XKR9: variants seen among roughly 807,000 people sequenced by gnomAD.
XKR9 encodes the protein XK related 9.
In XKR9, 32 loss-of-function variants were observed where a neutral mutation model predicts 32.0. The ratio of observed to expected loss-of-function variants is 1.00; its 90% CI spans 0.76 to 1.34. XKR9 has a LOEUF of 1.34. XKR9 is among the 40% of genes most tolerant of loss of function. The pLI, the probability that XKR9 is intolerant of heterozygous loss-of-function variation, is 0.00. For synonymous variants in XKR9, 168 were observed against 143.4 expected (o/e 1.17, Z -1.22); for missense variants, 546 against 429.7 (o/e 1.27, Z -2.39).
intron 2 of XKR9, among the ~76,000 whole-genome samples, chr8:70,776,968 T>TGTAA: frequency 7.0e-6 from 1 of 143,712 alleles, no homozygotes; most frequent in Non-Finnish European, 1.5e-5. Context: ...TATATATGTA[T>TGTAA]GTATTATACT....
At chr8:70,930,349 A>G in the XKR9 span, among the ~76,000 whole-genome samples, 6 of 152,288 alleles carry the variant, frequency 3.9e-5, no homozygotes, top group South Asian at 1.2e-3. Context: ...GCTAGGATGA[A>G]AGAACCTAGT....
the XKR9 span, among the ~76,000 whole-genome samples, chr8:70,935,681 C>A: frequency 6.6e-6 from 1 of 151,964 alleles, no homozygotes. Flanking sequence ...CACATAAAAT[C>A]TAGAATTAAG....
the XKR9 span, among the ~76,000 whole-genome samples, chr8:70,969,811 G>T: frequency 9.2e-5 from 14 of 152,070 alleles, no homozygotes; most frequent in Admixed American, 4.6e-4. Flanking sequence ...ACATGAATAA[G>T]TTCTTTAGTG....
chr8:70,877,931 A>C, the XKR9 span, among the ~76,000 whole-genome samples: 1 of 152,254 alleles, frequency 6.6e-6, no homozygotes, highest in Non-Finnish European at 1.5e-5. Flanking sequence ...TTACTCACAA[A>C]GGGAAGCCCA....
At chr8:70,959,044 CCTT>C in the XKR9 span, among the ~76,000 whole-genome samples, 1 of 151,828 alleles carries the variant, frequency 6.6e-6, no homozygotes, top group South Asian at 2.1e-4. Flanking sequence ...GTCGAATTAT[CCTT>C]CTTTTAAGTA....
the XKR9 span, among the ~76,000 whole-genome samples, chr8:71,006,989 G>A: frequency 2.6e-5 from 4 of 152,152 alleles, no homozygotes; most frequent in African/African-American, 9.7e-5. Context: ...GGCTCTATTC[G>A]TTGGAAGTTT....
At chr8:70,956,499 C>G in the XKR9 span, among the ~76,000 whole-genome samples, 1 of 152,176 alleles carries the variant, frequency 6.6e-6, no homozygotes, top group Non-Finnish European at 1.5e-5. Flanking sequence ...GAACTGGCAG[C>G]CCCGCTCCCA....
intron 2 of XKR9, among the ~76,000 whole-genome samples, chr8:70,775,813 T>C (rs1001077309): frequency 2.0e-5 from 3 of 151,778 alleles, no homozygotes; most frequent in Non-Finnish European, 4.4e-5. Context: ...GGCGCAATCA[T>C]GGCTCACTGC....
chr8:70,789,418 A>G (rs1807733872), exon 3 of XKR9: 1 of 152,054 alleles, frequency 6.6e-6, no homozygotes, highest in South Asian at 2.1e-4. Context: ...TAACTGCACA[A>G]TCATCAATCA....
the XKR9 span, among the ~76,000 whole-genome samples, chr8:71,052,159 T>C: frequency 6.6e-6 from 1 of 152,210 alleles, no homozygotes; most frequent in African/African-American, 2.4e-5. Context: ...TGCCTTTCTA[T>C]CAAAGAAAAC....
At chr8:70,900,618 A>ATAAG in the XKR9 span, among the ~76,000 whole-genome samples, 9,566 of 152,062 alleles carry the variant, frequency 0.063, 421 homozygotes, top group Non-Finnish European at 0.089. Flanking sequence ...AAATAAATAA[A>ATAAG]TAAATAGGAA....
intron 3 of XKR9, among the ~76,000 whole-genome samples, chr8:70,700,517 G>A (rs990202303): frequency 6.6e-6 from 1 of 152,174 alleles, no homozygotes; most frequent in African/African-American, 2.4e-5. Context: ...AACTGCAAAT[G>A]CTGCTGTCTG....
chr8:70,812,282 G>T, the XKR9 span, among the ~76,000 whole-genome samples: 1 of 152,266 alleles, frequency 6.6e-6, no homozygotes, highest in Non-Finnish European at 1.5e-5. Context: ...GGTATTGATG[G>T]GACGTATCTC....
the XKR9 span, among the ~76,000 whole-genome samples, chr8:70,809,619 A>T: frequency 2.6e-5 from 4 of 152,338 alleles, no homozygotes; most frequent in African/African-American, 9.6e-5. Context: ...GGAGCTGAAA[A>T]CCACGGCATG....
downstream of XKR9, among the ~76,000 whole-genome samples, chr8:70,793,719 C>G (rs1476224911): frequency 6.6e-6 from 1 of 152,040 alleles, no homozygotes; most frequent in Non-Finnish European, 1.5e-5. Context: ...ATATATTTAT[C>G]TTTATGTCAG....
chr8:70,797,511 A>G, the XKR9 span, among the ~76,000 whole-genome samples: 1 of 152,026 alleles, frequency 6.6e-6, no homozygotes, highest in East Asian at 1.9e-4. Flanking sequence ...TACATATATA[A>G]TCTTTAACTT....
chr8:70,699,736 C>G (rs927811363), intron 3 of XKR9, among the ~76,000 whole-genome samples: 49 of 152,260 alleles, frequency 3.2e-4, no homozygotes, highest in South Asian at 4.1e-4. Context: ...GCCTGCCTTG[C>G]TAGATTGGGG....
the XKR9 span, among the ~76,000 whole-genome samples, chr8:71,045,352 A>G: frequency 6.6e-6 from 1 of 152,132 alleles, no homozygotes; most frequent in Non-Finnish European, 1.5e-5. Flanking sequence ...GTTATCCTAA[A>G]GTGGAGAAAG....
chr8:70,698,399 G>C (rs1405726335), intron 3 of XKR9, among the ~76,000 whole-genome samples: 1 of 152,128 alleles, frequency 6.6e-6, no homozygotes, highest in African/African-American at 2.4e-5. Flanking sequence ...TGTTCTCATT[G>C]GTTTCAAGGA....
Sources: gnomAD v4.1 joint callset for allele counts (sites outside exome capture counted in the v4.1 genomes callset) on GRCh38, gnomAD v4.1.1 for gene constraint, MANE v1.5 for transcripts, NCBI Gene and HGNC (gene_info 2026-07-23, HGNC 2026-07-21) for gene names.